Variants in REEP3 observed in about 807,000 individuals in gnomAD.
REEP3 encodes the protein receptor expression-enhancing protein 3.
A neutral mutation model predicts 41.3 loss-of-function variants in REEP3; 20 were observed. The ratio of observed to expected loss-of-function variants is 0.48; its 90% CI spans 0.34 to 0.70. REEP3 has a LOEUF of 0.70. REEP3 is among the 30% of genes least tolerant of loss of function. The pLI, the probability that REEP3 is intolerant of heterozygous loss-of-function variation, is 0.01. For missense variants in REEP3, 271 were observed against 308.8 expected, an observed-to-expected ratio of 0.88 and a Z score of 0.92; for synonymous variants, 104 against 101.8, an observed-to-expected ratio of 1.02 and a Z score of -0.13.
chr10:63,566,879 A>G (rs570595345), intron 2 of REEP3, among the ~76,000 whole-genome samples: 1 of 152,106 alleles, frequency 6.6e-6, no homozygotes, highest in African/African-American at 2.4e-5. Context: ...ATCAGACTCC[A>G]TTTGTAATTA....
intron 2 of REEP3, among the ~76,000 whole-genome samples, chr10:63,574,327 A>G (rs948639315): frequency 6.6e-6 from 1 of 152,158 alleles, no homozygotes; most frequent in Non-Finnish European, 1.5e-5. Context: ...TATTTATATT[A>G]TTTAGACAAA....
chr10:63,600,281 A>G (rs577447365), intron 5 of REEP3, among the ~76,000 whole-genome samples: 2 of 152,290 alleles, frequency 1.3e-5, no homozygotes, highest in African/African-American at 4.8e-5. Flanking sequence ...CTTTGACTCA[A>G]GTATCAAAAT....
At chr10:63,603,203 C>T (rs746177376) in intron 5 of REEP3, among the ~76,000 whole-genome samples, 2 of 150,584 alleles carry the variant, frequency 1.3e-5, no homozygotes, top group Non-Finnish European at 3.0e-5. Context: ...GTCCCAGCAA[C>T]TCGGGAGGCT....
intron 5 of REEP3, among the ~76,000 whole-genome samples, chr10:63,603,637 G>T (rs866830522): frequency 1.3e-5 from 2 of 152,020 alleles, no homozygotes; most frequent in African/African-American, 4.8e-5. Flanking sequence ...ACTGGATTTG[G>T]AACTGTTCCC....
rs1956365683 is a variant in REEP3, at chr10:63,622,897, G to A, written c.*2028G>A. The A allele has an allele frequency of 6.6e-6, 1 of 151,810 alleles. No homozygotes were observed. Among genetic ancestry groups the A allele is most frequent in the South Asian group, 2.1e-4 (1 of 4,810 alleles). The allele number at this position is 151,810 out of a possible 1,614,324, so 9.4% of individuals were successfully genotyped here. Reference sequence around the variant, plus strand: ...AATTTTTGTCTTTTTAGTAGAGACAGGGTTTAACCATGTTGCCCAGGATGG... The same window carrying A: ...AATTTTTGTCTTTTTAGTAGAGACAAGGTTTAACCATGTTGCCCAGGATGG... On this transcript the variant is annotated 3_prime_UTR_variant, in exon 8 of 8. Transcript: ENST00000373758.
chr10:63,559,840 A>G (rs1273367782), intron 1 of REEP3, among the ~76,000 whole-genome samples: 1 of 152,204 alleles, frequency 6.6e-6, no homozygotes, highest in Non-Finnish European at 1.5e-5. Context: ...TAGTTAAAAT[A>G]GAAAACAGGT....
intron 2 of REEP3, among the ~76,000 whole-genome samples, chr10:63,588,345 C>A (rs1313935191): frequency 1.3e-5 from 2 of 152,142 alleles, no homozygotes; most frequent in Admixed American, 1.3e-4. Flanking sequence ...CCTGCTTTCT[C>A]ATAATTTGAA....
intron 1 of REEP3, among the ~76,000 whole-genome samples, chr10:63,562,327 G>A (rs146886228): frequency 8.0e-4 from 121 of 151,050 alleles, no homozygotes; most frequent in African/African-American, 2.8e-3. Flanking sequence ...GCACGATCTC[G>A]GCTCATTGCA....
rs771133391 is a variant in REEP3, at chr10:63,619,745, G to A, written c.656G>A (p.Gly219Glu). ...GATAATGAGATGTTAACACACAAAG[G>A]GCTTCGAAGATCGCAAAGCATGAAA... is the stretch of plus-strand genomic sequence containing the variant. ...YSDNEMLTHK[G>E]LRRSQSMKSV... The change falls in exon 7 of 8, where the codon GGG becomes GAG. Residue 219 changes from glycine (G) to glutamate (E), a missense_variant. Transcript: ENST00000373758. 1 of 1,609,644 alleles carries A rather than the reference G, an allele frequency of 6.2e-7. No homozygotes were observed.
rs1272029213 is a variant in REEP3 at position 63,521,507 on chromosome 10, C to T, written c.-39C>T. ...GCGGCCTGGTCCGCAGCGCCCTGCG[C>T]CCACCCGCCCCGGACGTGGGGCCCA... On this transcript the variant is annotated 5_prime_UTR_variant, in exon 1 of 8. Transcript: ENST00000373758. 3 of 1,388,952 alleles carry T rather than the reference C, an allele frequency of 2.2e-6. No individual in the cohort carries two copies. Among genetic ancestry groups the T allele is most frequent in the Middle Eastern group, 2.3e-4 (1 of 4,346 alleles). The allele number at this position is 1,388,952 out of a possible 1,614,324, so 86.0% of individuals were successfully genotyped here. A position where few individuals can be genotyped will look rare whatever the true frequency, so the allele number is the denominator to read the frequency against.
At position 63,621,927 on chromosome 10, in the gene REEP3, T is replaced by G. The variant is rs1438132735; in HGVS notation, c.*1058T>G. ...TGACGAAAATCATTTGAATCTCTTC[T>G]GGCTGAGATAATTTGCCAATGCAAA... On this transcript the variant is annotated 3_prime_UTR_variant, in exon 8 of 8. Transcript: ENST00000373758. The G allele has an allele frequency of 6.6e-6, 1 of 152,238 alleles. No individual in the cohort carries two copies. The highest frequency in any genetic ancestry group is 1.5e-5 in the Non-Finnish European group (1 of 68,028). The allele number at this position is 152,238 out of a possible 1,614,324, so 9.4% of individuals were successfully genotyped here. A position where few individuals can be genotyped will look rare whatever the true frequency, so the allele number is the denominator to read the frequency against.
intron 2 of REEP3, among the ~76,000 whole-genome samples, chr10:63,570,069 TA>T (rs1021546537): frequency 1.3e-5 from 2 of 151,940 alleles, no homozygotes; most frequent in Non-Finnish European, 2.9e-5. Flanking sequence ...AAAAAAGACT[TA>T]AAAAAAAGAA....
At chr10:63,606,603 A>G (rs1031859417) in intron 5 of REEP3, among the ~76,000 whole-genome samples, 3 of 152,192 alleles carry the variant, frequency 2.0e-5, no homozygotes, top group Admixed American at 6.5e-5. Context: ...ATTAAATAGA[A>G]GAAAATAGAT....
intron 2 of REEP3, among the ~76,000 whole-genome samples, chr10:63,578,090 T>G (rs567609137): frequency 6.6e-6 from 1 of 152,180 alleles, no homozygotes; most frequent in Admixed American, 6.6e-5. Context: ...TATGTATGTA[T>G]GTATTTATGT....
chr10:63,555,903 G>A (rs1169995743), intron 1 of REEP3, among the ~76,000 whole-genome samples: 2 of 151,928 alleles, frequency 1.3e-5, no homozygotes, highest in Non-Finnish European at 2.9e-5. Context: ...CATTTGTAAG[G>A]GGCACTTTTC....
chr10:63,523,161 G>A lies in REEP3; in HGVS notation c.32+1584G>A, dbSNP rs192704823. Among the ~76,000 whole-genome samples the A allele has an allele frequency of 3.4e-3, 512 of 152,282 alleles. 4 individuals are homozygous for A. The highest frequency in any genetic ancestry group is 0.012 in the African/African-American group (480 of 41,546). On this transcript the variant is annotated intron_variant, in intron 1 of 7. Coordinates refer to ENST00000373758, the MANE Select transcript of REEP3 (RefSeq NM_001001330.3). Reference sequence around the variant, plus strand: ...TCTAGGTGCTACCTATAACACAAAGGTCAGTAACACGTAGTTGATCATGGG... The same window carrying A: ...TCTAGGTGCTACCTATAACACAAAGATCAGTAACACGTAGTTGATCATGGG...
At chr10:63,604,579 C>T (rs1356268800) in intron 5 of REEP3, among the ~76,000 whole-genome samples, 2 of 151,776 alleles carry the variant, frequency 1.3e-5, no homozygotes, top group African/African-American at 2.4e-5. Flanking sequence ...GTCAAAAATC[C>T]GAACATCTTA....
chr10:63,593,065 G>A (rs1956080339), intron 2 of REEP3, among the ~76,000 whole-genome samples: 1 of 152,252 alleles, frequency 6.6e-6, no homozygotes, highest in South Asian at 2.1e-4. Flanking sequence ...TGTAATCCCA[G>A]CACTTCGGGA....
At position 63,623,816 on chromosome 10, in the gene REEP3, T is replaced by C. The variant is rs1041819653; in HGVS notation, c.*2947T>C. The C allele has an allele frequency of 1.3e-5, 2 of 151,792 alleles. No homozygotes were observed. Among genetic ancestry groups the C allele is most frequent in the African/African-American group, 4.9e-5 (2 of 40,978 alleles). The allele number at this position is 151,792 out of a possible 1,614,324, so 9.4% of individuals were successfully genotyped here. On this transcript the variant is annotated 3_prime_UTR_variant, in exon 8 of 8. Transcript: ENST00000373758. Reference sequence around the variant, plus strand: ...GTGTGTGTATTTGGCTAAAAAATTATACTGCCAAAATTACTGATTATAAAT... The same window carrying C: ...GTGTGTGTATTTGGCTAAAAAATTACACTGCCAAAATTACTGATTATAAAT...
Sources: allele counts gnomAD v4.1 joint callset (sites outside exome capture counted in the v4.1 genomes callset), GRCh38; gene constraint gnomAD v4.1.1; transcripts MANE v1.5; gene names NCBI Gene and HGNC (gene_info 2026-07-23, HGNC 2026-07-21).